Variants in PIGN observed in about 807,000 individuals in gnomAD.
The protein encoded by PIGN is GPI ethanolamine phosphate transferase 1.
Under a neutral mutation model 125.4 loss-of-function variants are expected in PIGN, and 117 were observed. The ratio of observed to expected loss-of-function variants is 0.93; its 90% CI spans 0.80 to 1.09. The LOEUF is 1.09. Ranked by LOEUF, PIGN falls within the 50% of genes least tolerant of loss-of-function variation. PIGN has a pLI of 0.00. For missense variants in PIGN, 1,075 were observed against 1,094.9 expected (o/e 0.98, Z 0.26); for synonymous variants, 392 against 377.8 (o/e 1.04, Z -0.44).
intron 14 of PIGN, among the ~76,000 whole-genome samples, chr18:62,128,240 A>G (rs953361554): frequency 4.6e-5 from 7 of 152,198 alleles, no homozygotes; most frequent in Admixed American, 2.0e-4. Context: ...AAAGGATTTG[A>G]TTATTTTCTT....
chr18:62,182,124 T>A (rs570285559), intron 1 of PIGN, among the ~76,000 whole-genome samples: 1 of 152,326 alleles, frequency 6.6e-6, no homozygotes, highest in Non-Finnish European at 1.5e-5. Flanking sequence ...ACAGTCTCTA[T>A]CTGATCACTA....
intron 6 of PIGN, among the ~76,000 whole-genome samples, chr18:62,155,977 G>A (rs1451423780): frequency 4.6e-5 from 7 of 152,038 alleles, no homozygotes; most frequent in Non-Finnish European, 8.8e-5. Context: ...TTTGCTTCCT[G>A]GACACATAAT....
chr18:62,054,489 ATTTTT>A (rs367909088), intron 30 of PIGN, among the ~76,000 whole-genome samples: 1 of 117,312 alleles, frequency 8.5e-6, no homozygotes, highest in Non-Finnish European at 1.8e-5. Flanking sequence ...TTTTTTTCCT[ATTTTT>A]TTTTTTTTTT....
At chr18:62,150,005 T>C (rs1219343414) in intron 7 of PIGN, among the ~76,000 whole-genome samples, 1 of 152,144 alleles carries the variant, frequency 6.6e-6, no homozygotes, top group Non-Finnish European at 1.5e-5. Flanking sequence ...TTGTTGTTGT[T>C]GAGACAGTCT....
At chr18:62,106,730 C>T in intron 19 of PIGN, 59 bp downstream of exon 19, 2 of 1,059,396 alleles carry the variant, frequency 1.9e-6, no homozygotes, top group Non-Finnish European at 2.8e-6. Context: ...CCTTGAGTTA[C>T]ACATGTGTCA....
chr18:62,029,067 G>A (rs1443107052), intron 23 of PIGN, among the ~76,000 whole-genome samples: 4 of 152,228 alleles, frequency 2.6e-5, no homozygotes, highest in Non-Finnish European at 5.9e-5. Flanking sequence ...GGTGCCTGGT[G>A]AGAGTCACTT....
At chr18:62,026,058 AC>A (rs375647017) in intron 23 of PIGN, among the ~76,000 whole-genome samples, 114 of 152,220 alleles carry the variant, frequency 7.5e-4, no homozygotes, top group African/African-American at 2.7e-3. Flanking sequence ...CCTCCATAGC[AC>A]CCGGGACACA....
At chr18:62,067,827 T>C (rs2032613496) in intron 30 of PIGN, among the ~76,000 whole-genome samples, 1 of 152,236 alleles carries the variant, frequency 6.6e-6, no homozygotes, top group African/African-American at 2.4e-5. Context: ...TTGCCTTCTC[T>C]TGGGTACCTA....
At chr18:62,084,694 C>T (rs1449333148) in intron 26 of PIGN, 88 bp from the exon 27 acceptor site, 1 of 857,476 alleles carries the variant, frequency 1.2e-6, no homozygotes, top group Admixed American at 2.2e-5. Context: ...TAAACTAATT[C>T]TCTGAAATCT....
At chr18:62,076,289 T>C (rs1295346369) in intron 28 of PIGN, among the ~76,000 whole-genome samples, 1 of 152,210 alleles carries the variant, frequency 6.6e-6, no homozygotes, top group Non-Finnish European at 1.5e-5. Context: ...AACTTTTCAT[T>C]GTCTTATTTG....
At chr18:62,074,865 G>A (rs764349325) in intron 28 of PIGN, 44 bp from the exon 29 acceptor site, 26 of 1,373,024 alleles carry the variant, frequency 1.9e-5, no homozygotes, top group Non-Finnish European at 2.5e-5. Flanking sequence ...TACAACAGGT[G>A]CATTTTTCAA....
rs779636222 is a variant in PIGN, at chr18:62,154,538, CACAAACCT to C, written c.548_549+6del. On this transcript the variant is annotated splice_donor_variant and splice_donor_5th_base_variant and coding_sequence_variant and intron_variant, in exon 7 of 31. Coordinates refer to ENST00000640252, the MANE Select transcript of PIGN (RefSeq NM_176787.5). LOFTEE classifies it high-confidence loss of function. ...TTTTTGTATATTAACCACTCAATAG[CACAAACCT>C]TAACATTATCAAAAACCCACGTATC... 437 of 1,345,956 alleles carry C rather than the reference CACAAACCT, an allele frequency of 3.2e-4. No individual in the cohort carries two copies. The highest frequency in any genetic ancestry group is 4.5e-4 in the Non-Finnish European group (419 of 938,734). 83.4% of individuals were successfully genotyped at this position (1,345,956 alleles called of 1,614,324 possible). A position where few individuals can be genotyped will look rare whatever the true frequency, so the allele number is the denominator to read the frequency against.
At position 62,042,372 on chromosome 18, in the gene PIGN, T is replaced by C. The variant is rs1457125173; in HGVS notation, c.*3484A>G. On this transcript the variant is annotated 3_prime_UTR_variant, in exon 31 of 31. Transcript: ENST00000640252. ...AAACTATTTTTATTATGACATTTAT[T>C]TGTATTACAAGGAACCAATGTTCTA... The C allele has an allele frequency of 1.3e-5, 2 of 152,162 alleles. No individual in the cohort carries two copies. The highest frequency in any genetic ancestry group is 2.9e-5 in the Non-Finnish European group (2 of 68,014). 9.4% of individuals were successfully genotyped at this position (152,162 alleles called of 1,614,324 possible). A position where few individuals can be genotyped will look rare whatever the true frequency, so the allele number is the denominator to read the frequency against.
intron 23 of PIGN, among the ~76,000 whole-genome samples, chr18:62,025,338 A>G (rs2030103878): frequency 6.6e-6 from 1 of 152,146 alleles, no homozygotes; most frequent in South Asian, 2.1e-4. Flanking sequence ...CTTCACTGAG[A>G]CAGTTATTTT....
At chr18:62,078,923 C>G (rs2033313248) in intron 28 of PIGN, among the ~76,000 whole-genome samples, 1 of 152,184 alleles carries the variant, frequency 6.6e-6, no homozygotes, top group African/African-American at 2.4e-5. Context: ...AAGTTATTAT[C>G]CATGCAACAG....
chr18:62,094,455 G>A (rs1178993172), intron 23 of PIGN, among the ~76,000 whole-genome samples: 1 of 152,028 alleles, frequency 6.6e-6, no homozygotes, highest in Admixed American at 6.6e-5. Flanking sequence ...AAACTCACAA[G>A]TCTCCCTGAA....
At chr18:62,139,104 T>C (rs2036040655) in intron 12 of PIGN, 29 bp from the exon 13 acceptor site, 2 of 1,379,674 alleles carry the variant, frequency 1.4e-6, no homozygotes, top group South Asian at 1.2e-5. Context: ...AGCTTATTGA[T>C]AGTATTCAGA....
At chr18:62,101,578 T>C (rs530370875) in intron 21 of PIGN, among the ~76,000 whole-genome samples, 1 of 152,342 alleles carries the variant, frequency 6.6e-6, no homozygotes, top group Admixed American at 6.5e-5. Context: ...TATGTTCCAA[T>C]GGCTTGACAG....
chr18:62,094,057 T>C (rs1160123762), intron 23 of PIGN, among the ~76,000 whole-genome samples: 1 of 152,128 alleles, frequency 6.6e-6, no homozygotes, highest in Non-Finnish European at 1.5e-5. Context: ...TTTCTTAAAA[T>C]AAGTTATGAT....
Sources: allele counts gnomAD v4.1 joint callset (sites outside exome capture counted in the v4.1 genomes callset), GRCh38; gene constraint gnomAD v4.1.1; transcripts MANE v1.5; gene names NCBI Gene and HGNC (gene_info 2026-07-23, HGNC 2026-07-21).